IGSF3: variants seen among roughly 807,000 people sequenced by gnomAD.
IGSF3 encodes the protein immunoglobulin superfamily member 3.
In IGSF3, 23 loss-of-function variants were observed where a neutral mutation model predicts 114.4. That is an observed-to-expected ratio of 0.20 (90% CI 0.14 to 0.28). The LOEUF (loss-of-function observed/expected upper bound fraction) is 0.28. Ranked by LOEUF, IGSF3 falls within the 10% of genes least tolerant of loss-of-function variation. IGSF3 has a pLI of 1.00. For synonymous variants in IGSF3, 571 were observed against 645.2 expected (o/e 0.88, Z 1.74); for missense variants, 1,172 against 1,591.5 (o/e 0.74, Z 4.48).
chr1:116,646,000 G>C (rs774593257), intron 2 of IGSF3, among the ~76,000 whole-genome samples: 1 of 152,192 alleles, frequency 6.6e-6, no homozygotes, highest in Non-Finnish European at 1.5e-5. Flanking sequence ...AGCCAGGGCC[G>C]AATTGCTGCT....
Position 116,574,753 on chromosome 1 carries a change from C to CGA in IGSF3, c.*2558_*2559insTC, listed in dbSNP as rs1659267896. ...AGCAGTTTTCCTCCGTCTCAGAAGA[C>CGA]TAAAGCTCCAGTAGACAATGCGCAA... is the stretch of plus-strand genomic sequence containing the variant. On this transcript the variant is annotated 3_prime_UTR_variant, in exon 11 of 11. Coordinates refer to ENST00000369486, the MANE Select transcript of IGSF3 (RefSeq NM_001007237.3). The surrounding 1 kb of genome is among the most constrained non-coding windows in gnomAD (Gnocchi z 5.2). The CGA allele has an allele frequency of 2.6e-5, 4 of 152,712 alleles. No individual in the cohort carries two copies. The highest frequency in any genetic ancestry group is 9.6e-5 in the African/African-American group (4 of 41,546). 9.5% of individuals were successfully genotyped at this position (152,712 alleles called of 1,614,324 possible).
rs1462232834 is a variant in IGSF3, at chr1:116,600,519, A to G, written c.1625-174T>C. Among the ~76,000 whole-genome samples the G allele has an allele frequency of 1.3e-5, 2 of 152,064 alleles. No individual in the cohort carries two copies. Among genetic ancestry groups the G allele is most frequent in the African/African-American group, 2.4e-5 (1 of 41,358 alleles). ...TAGTATCCTGCTGAGGCCCAGTCCA[A>G]GAGTTTCCAAGACTCCAAAGAAAGG... is the stretch of plus-strand genomic sequence containing the variant. On this transcript the variant is annotated intron_variant, in intron 6 of 10. Transcript: ENST00000369486. This position sits in a 1 kb window ranked among gnomAD's most constrained non-coding sequence, Gnocchi z 5.5.
chr1:116,603,882 G>T lies in IGSF3; in HGVS notation c.1366C>A (p.Arg456Ser). The change falls in exon 6 of 11, where the codon CGC becomes AGC. Residue 456 changes from arginine to serine, a missense_variant. Transcript: ENST00000369486. The surrounding 1 kb of genome is among the most constrained non-coding windows in gnomAD (Gnocchi z 7.1). ...VIWQLVDRQN[R>S]RSNIMWLDRD... is the part of the protein sequence containing the mutation. ...TCTAGCCACATGATATTGCTGCGGC[G>T]GTTCTGCCTGTCCACAAGCTGCCAG... The T allele has an allele frequency of 1.2e-6, 2 of 1,614,086 alleles. No individual in the cohort carries two copies. Among genetic ancestry groups the T allele is most frequent in the Non-Finnish European group, 1.7e-6 (2 of 1,179,976 alleles).
At position 116,628,362 on chromosome 1, in the gene IGSF3, G is replaced by A. The variant is rs1259463101; in HGVS notation, c.44-11905C>T. ...TGCACTCCCCACTGTGGTTCTCAGC[G>A]CAAATTCCCCAGAAAGCAATCTGAC... On this transcript the variant is annotated intron_variant, in intron 2 of 10. Transcript: ENST00000369486. The surrounding 1 kb of genome is among the most constrained non-coding windows in gnomAD (Gnocchi z 4.2). Among the ~76,000 whole-genome samples the A allele has an allele frequency of 6.6e-6, 1 of 152,030 alleles. No homozygotes were observed. The highest frequency in any genetic ancestry group is 1.9e-4 in the East Asian group (1 of 5,198).
Position 116,612,486 on chromosome 1 carries a change from C to T in IGSF3, c.832+1279G>A, listed in dbSNP as rs1661059403. Reference sequence around the variant, plus strand: ...AGCTTCCCAGGTCCCATCCCAGGAGCCTCCAATTGAAGACTTCTGGGACGA... The same window carrying T: ...AGCTTCCCAGGTCCCATCCCAGGAGTCTCCAATTGAAGACTTCTGGGACGA... On this transcript the variant is annotated intron_variant, in intron 4 of 10. Transcript: ENST00000369486. The surrounding 1 kb of genome is among the most constrained non-coding windows in gnomAD (Gnocchi z 4.1). Among the ~76,000 whole-genome samples the T allele has an allele frequency of 6.6e-6, 1 of 151,966 alleles. No individual in the cohort carries two copies. The highest frequency in any genetic ancestry group is 2.1e-4 in the South Asian group (1 of 4,804).
chr1:116,656,672 C>T (rs1648866944), intron 2 of IGSF3, among the ~76,000 whole-genome samples: 1 of 152,108 alleles, frequency 6.6e-6, no homozygotes, highest in Non-Finnish European at 1.5e-5. Context: ...CGCCTGTAAT[C>T]CCAGCACTTT....
Position 116,616,261 on chromosome 1 carries a change from G to A in IGSF3, c.240C>T (p.Pro80=). 6.2e-7 allele frequency: 1 copy of A among 1,612,024 alleles called. No individual in the cohort carries two copies. The highest frequency in any genetic ancestry group is 8.5e-7 in the Non-Finnish European group (1 of 1,179,360). The change falls in exon 3 of 11, where the codon CCC becomes CCT. Residue 80 remains proline (P), a synonymous_variant. Coordinates refer to ENST00000369486, the MANE Select transcript of IGSF3 (RefSeq NM_001007237.3). The surrounding 1 kb of genome is among the most constrained non-coding windows in gnomAD (Gnocchi z 6.6). The part of the protein sequence containing the change: ...QIVSTMDSSF[P]YAIYTQRVRG... ...GGACGCGCTGGGTGTAGATGGCATA[G>A]GGGAAGGAAGAGTCCATGGTGCTGA...
intron 2 of IGSF3, among the ~76,000 whole-genome samples, chr1:116,620,794 G>A (rs1486405804): frequency 6.6e-6 from 1 of 152,206 alleles, no homozygotes; most frequent in East Asian, 1.9e-4. Context: ...AGGCTAGAGT[G>A]CAGTGGTGCA....
At chr1:116,619,973 A>G (rs1661361588) in intron 2 of IGSF3, among the ~76,000 whole-genome samples, 1 of 151,992 alleles carries the variant, frequency 6.6e-6, no homozygotes, top group South Asian at 2.1e-4. Context: ...TCCTTCCCCC[A>G]GTCCTCTGCA....
At position 116,666,944 on chromosome 1, in the gene IGSF3, C is replaced by G; in HGVS notation, c.-618G>C. 2.5e-6 allele frequency: 1 copy of G among 401,546 alleles called. No homozygotes were observed. The highest frequency in any genetic ancestry group is 4.4e-6 in the Non-Finnish European group (1 of 228,208). 24.9% of individuals were successfully genotyped at this position (401,546 alleles called of 1,614,324 possible). ...CGGCAGCCCTGAAGCGGTACCCCAG[C>G]GCGAGCAGATTTCTAAAACAAACAC... On this transcript the variant is annotated 5_prime_UTR_variant, in exon 2 of 11. Coordinates refer to ENST00000369486, the MANE Select transcript of IGSF3 (RefSeq NM_001007237.3).
At chr1:116,617,155 C>T (rs528345962) in intron 2 of IGSF3, 2 of 246,568 alleles carry the variant, frequency 8.1e-6, no homozygotes, top group Non-Finnish European at 1.3e-5. Flanking sequence ...GGGGAACTAA[C>T]AGTGCCCAGC....
intron 6 of IGSF3, among the ~76,000 whole-genome samples, chr1:116,601,158 T>C (rs574445460): frequency 6.6e-6 from 1 of 152,116 alleles, no homozygotes; most frequent in Non-Finnish European, 1.5e-5. Context: ...CTCCACTGAA[T>C]CCCCAAAACA....
intron 4 of IGSF3, among the ~76,000 whole-genome samples, chr1:116,611,069 G>A (rs1286665171): frequency 6.6e-6 from 1 of 152,048 alleles, no homozygotes; most frequent in East Asian, 1.9e-4. Flanking sequence ...TTTGCCTCTG[G>A]CACCCACTGA....
chr1:116,630,195 C>T (rs1426147755), intron 2 of IGSF3, among the ~76,000 whole-genome samples: 2 of 152,188 alleles, frequency 1.3e-5, no homozygotes, highest in Non-Finnish European at 2.9e-5. Context: ...GCCTCTGCCC[C>T]CTGGTGGCAA....
At chr1:116,653,555 A>T (rs1373340173) in intron 2 of IGSF3, among the ~76,000 whole-genome samples, 2 of 152,180 alleles carry the variant, frequency 1.3e-5, no homozygotes, top group Non-Finnish European at 2.9e-5. Flanking sequence ...TGTATTGCAT[A>T]ATGTTTTAAT....
In IGSF3 at chr1:116,649,020, A is replaced by G. The variant is rs879616; in HGVS notation, c.43+17264T>C. 0.28 allele frequency among the ~76,000 whole-genome samples: 43,024 copies of G among 152,120 alleles called. 6,570 individuals are homozygous for G. The highest frequency in any genetic ancestry group is 0.43 in the East Asian group (2,242 of 5,162). ...TGAGCAAATCAAGTCAGGAGAAGGT[A>G]GACAACTGTACCATGAAGACCACAT... On this transcript the variant is annotated intron_variant, in intron 2 of 10. Coordinates refer to ENST00000369486, the MANE Select transcript of IGSF3 (RefSeq NM_001007237.3). This position sits in a 1 kb window ranked among gnomAD's most constrained non-coding sequence, Gnocchi z 4.5.
rs1648455391 is a variant in IGSF3, at chr1:116,647,672, T to C, written c.43+18612A>G. Among the ~76,000 whole-genome samples the C allele has an allele frequency of 6.6e-6, 1 of 152,236 alleles. No homozygotes were observed. Among genetic ancestry groups the C allele is most frequent in the Non-Finnish European group, 1.5e-5 (1 of 68,044 alleles). ...CTCCATAACAAATGTTGATTGAATGTTGTCTGGGCGGACAGAGGCAAGGAT... is the reference window on the plus strand; with the variant it reads ...CTCCATAACAAATGTTGATTGAATGCTGTCTGGGCGGACAGAGGCAAGGAT... On this transcript the variant is annotated intron_variant, in intron 2 of 10. Transcript: ENST00000369486. This position sits in a 1 kb window ranked among gnomAD's most constrained non-coding sequence, Gnocchi z 4.6.
In IGSF3 at chr1:116,584,017, C is replaced by T. The variant is rs1292546913; in HGVS notation, c.2848+628G>A. ...CAGCTTGGCCAACATGATGAAACCC[C>T]GTCTCTACTAAAAATACACAAATTA... is the stretch of plus-strand genomic sequence containing the variant. On this transcript the variant is annotated intron_variant, in intron 9 of 10. Coordinates refer to ENST00000369486, the MANE Select transcript of IGSF3 (RefSeq NM_001007237.3). This position sits in a 1 kb window ranked among gnomAD's most constrained non-coding sequence, Gnocchi z 5.8. Among the ~76,000 whole-genome samples, 2 of 152,030 alleles carry T rather than the reference C, an allele frequency of 1.3e-5. No individual in the cohort carries two copies. Among genetic ancestry groups the T allele is most frequent in the Admixed American group, 1.3e-4 (2 of 15,262 alleles).
rs1202141326 is a variant in IGSF3, at chr1:116,649,537, TTCCTCCCCTAG to T, written c.43+16736_43+16746del. On this transcript the variant is annotated intron_variant, in intron 2 of 10. Transcript: ENST00000369486. The surrounding 1 kb of genome is among the most constrained non-coding windows in gnomAD (Gnocchi z 4.5). ...CTTCCTAAAATCTTCCTCTTCCATC[TTCCTCCCCTAG>T]ATATCCATCTTACCCTTCTTCACCA... Among the ~76,000 whole-genome samples the T allele has an allele frequency of 6.6e-6, 1 of 152,230 alleles. No individual in the cohort carries two copies. Among genetic ancestry groups the T allele is most frequent in the Non-Finnish European group, 1.5e-5 (1 of 68,034 alleles).
Sources: gnomAD v4.1 joint callset for allele counts (sites outside exome capture counted in the v4.1 genomes callset) on GRCh38, gnomAD v4.1.1 for gene constraint, Gnocchi (gnomAD v3.1) non-coding constraint, MANE v1.5 for transcripts, NCBI Gene and HGNC (gene_info 2026-07-23, HGNC 2026-07-21) for gene names.